PSME4: variants seen among roughly 807,000 people sequenced by gnomAD.
PSME4 encodes proteasome activator subunit 4.
PSME4 carries 89 observed loss-of-function variants against 253.9 expected under a neutral mutation model. The observed-to-expected ratio is 0.35, with a 90% CI of 0.30 to 0.42. The LOEUF is 0.42. PSME4 is among the 10% of genes least tolerant of loss of function. PSME4 has a pLI of 1.00. For missense variants in PSME4, 2,014 were observed against 2,195.2 expected (o/e 0.92, Z 1.65); for synonymous variants, 851 against 759.2 (o/e 1.12, Z -1.99).
At chr2:53,928,471 G>A (rs535169669) in intron 10 of PSME4, among the ~76,000 whole-genome samples, 168 bp from the exon 11 acceptor site, 4 of 152,288 alleles carry the variant, frequency 2.6e-5, no homozygotes, top group East Asian at 1.9e-4. Context: ...CAGTAGCCCC[G>A]TTATCTGTAG....
At position 53,965,589 on chromosome 2, in the gene PSME4, A is replaced by AT. The variant is rs1354730458; in HGVS notation, c.242+4953dup. On this transcript the variant is annotated intron_variant, in intron 1 of 46. Transcript: ENST00000404125. Reference sequence around the variant, plus strand: ...TCAAGAGTTCTACTATCAAGGAAGTATTTTTTTTTTTAATGAGTGGGGTTT... The same window carrying AT: ...TCAAGAGTTCTACTATCAAGGAAGTATTTTTTTTTTTTAATGAGTGGGGTTT... Among the ~76,000 whole-genome samples the AT allele has an allele frequency of 7.4e-3, 1,064 of 143,408 alleles. 7 individuals are homozygous for AT. Among genetic ancestry groups the AT allele is most frequent in the African/African-American group, 0.021 (807 of 39,172 alleles). The allele number at this position is 143,408 out of a possible 152,430, so 94.1% of individuals were successfully genotyped here.
chr2:53,905,019 C>T (rs759457350), intron 26 of PSME4, among the ~76,000 whole-genome samples: 5 of 149,124 alleles, frequency 3.4e-5, no homozygotes, highest in Non-Finnish European at 7.4e-5. Flanking sequence ...GAAATATGTA[C>T]AATGTGTTGC....
chr2:53,866,964 T>C (rs1678595913), intron 44 of PSME4, 84 bp from the exon 45 acceptor site: 1 of 1,344,032 alleles, frequency 7.4e-7, no homozygotes, highest in South Asian at 1.5e-5. Context: ...AGTTTTCAAT[T>C]GTGTTGTTTT....
chr2:53,920,343 C>T lies in PSME4; in HGVS notation c.2270G>A (p.Gly757Asp). 1 of 1,611,210 alleles carries T rather than the reference C, an allele frequency of 6.2e-7. No individual in the cohort carries two copies. Among genetic ancestry groups the T allele is most frequent in the Non-Finnish European group, 8.5e-7 (1 of 1,178,462 alleles). ...PSEYFPIKDW[G>D]KPGDLWNLGI... ...CAGATTCCACAAGTCCCCGGGTTTG[C>T]CCCAGTCCTAGAAGAGAACAGCATC... The change falls in exon 19 of 47, where the codon GGC becomes GAC. Residue 757 changes from glycine (G) to aspartate (D), a missense_variant. Gly to Asp is a moderately conservative substitution (Grantham distance 94, BLOSUM62 -1). This residue lies in a region of PSME4 where 989 missense variants were observed against 1,021.1 expected (regional missense o/e 0.97). Coordinates refer to ENST00000404125, the MANE Select transcript of PSME4 (RefSeq NM_014614.3).
chr2:53,936,263 G>T, intron 6 of PSME4, 102 bp from the exon 7 acceptor site: 2 of 1,509,208 alleles, frequency 1.3e-6, no homozygotes, highest in African/African-American at 1.4e-5. Context: ...AATCATTAGT[G>T]CAATCTACTT....
chr2:53,940,379 G>C (rs1044079669), intron 3 of PSME4, among the ~76,000 whole-genome samples: 7 of 151,998 alleles, frequency 4.6e-5, no homozygotes, highest in African/African-American at 1.7e-4. Flanking sequence ...ACAAGCAGCA[G>C]ACAGACCAAA....
Position 53,865,904 on chromosome 2 carries a change from G to A in PSME4, c.*4+181C>T, listed in dbSNP as rs1040662572. The A allele has an allele frequency of 4.7e-6, 3 of 633,260 alleles. No individual in the cohort carries two copies. In the East Asian group the frequency reaches 8.9e-5, roughly 19 times the overall value. The allele number at this position is 633,260 out of a possible 1,614,324, so 39.2% of individuals were successfully genotyped here. A position where few individuals can be genotyped will look rare whatever the true frequency, so the allele number is the denominator to read the frequency against. ...TCTGCTTTAAACCTAAAGCAAGGAG[G>A]CACAGCAAAATTCTCATTTCCAATG... On this transcript the variant is annotated intron_variant, in intron 46 of 46. Transcript: ENST00000404125.
At chr2:53,966,141 C>T (rs1670726008) in intron 1 of PSME4, among the ~76,000 whole-genome samples, 1 of 151,938 alleles carries the variant, frequency 6.6e-6, no homozygotes, top group African/African-American at 2.4e-5. Context: ...AAATATTGGT[C>T]AAGTGTGGTG....
intron 22 of PSME4, 52 bp downstream of exon 22, chr2:53,908,732 C>T: frequency 1.3e-6 from 2 of 1,494,176 alleles, no homozygotes; most frequent in East Asian, 2.3e-5. Context: ...GATTAAAATT[C>T]CAAAATACTT....
intron 1 of PSME4, among the ~76,000 whole-genome samples, chr2:53,952,467 G>C (rs1670044513): frequency 6.6e-6 from 1 of 152,120 alleles, no homozygotes; most frequent in African/African-American, 2.4e-5. Flanking sequence ...GTTTGAACCT[G>C]GGAGGCGGAG....
chr2:53,880,686 A>C (rs970293218), intron 41 of PSME4, among the ~76,000 whole-genome samples: 14 of 152,262 alleles, frequency 9.2e-5, no homozygotes, highest in African/African-American at 3.1e-4. Flanking sequence ...TTATTCATAA[A>C]ACAATTTCAG....
At chr2:53,966,139 G>T (rs1299861318) in intron 1 of PSME4, among the ~76,000 whole-genome samples, 1 of 151,978 alleles carries the variant, frequency 6.6e-6, no homozygotes, top group Non-Finnish European at 1.5e-5. Flanking sequence ...ACAAATATTG[G>T]TCAAGTGTGG....
Position 53,866,862 on chromosome 2 carries a change from G to C in PSME4, c.5282C>G (p.Ala1761Gly). The C allele has an allele frequency of 1.2e-6, 2 of 1,613,930 alleles. No individual in the cohort carries two copies. Among genetic ancestry groups the C allele is most frequent in the Non-Finnish European group, 1.7e-6 (2 of 1,179,928 alleles). Residue 1761 changes from alanine to glycine, a missense_variant, in exon 45 of 47, where the codon GCT becomes GGT. By Grantham distance (60) the Ala-to-Gly change is moderately conservative (BLOSUM62 0). Around this residue, in one of 4 missense-constraint regions of PSME4, gnomAD observed 403 missense variants for 556.1 expected, o/e 0.72. Coordinates refer to ENST00000404125, the MANE Select transcript of PSME4 (RefSeq NM_014614.3). ...IPSAELVKRH[A>G]GVLGLGACVL... The stretch of plus-strand genomic sequence containing the variant: ...ACATGCACCAAGTCCTAGCACCCCA[G>C]CATGGCGTTTGACCAACTCTGCAAA...
intron 3 of PSME4, among the ~76,000 whole-genome samples, chr2:53,943,838 C>A: frequency 1.0e-5 from 1 of 97,444 alleles, no homozygotes. Context: ...GCAAAAAAAA[C>A]TCCATCTCAA....
intron 41 of PSME4, among the ~76,000 whole-genome samples, chr2:53,883,393 AG>A (rs1679485063): frequency 6.6e-6 from 1 of 151,864 alleles, no homozygotes; most frequent in African/African-American, 2.4e-5. Context: ...CCAGCTACTC[AG>A]GGGGCTGAGG....
At chr2:53,966,710 T>C (rs1367276568) in intron 1 of PSME4, among the ~76,000 whole-genome samples, 1 of 152,102 alleles carries the variant, frequency 6.6e-6, no homozygotes, top group Non-Finnish European at 1.5e-5. Flanking sequence ...GGGGTTTTTT[T>C]CTTTGTTGTT....
chr2:53,910,314 G>A (rs1667772869), intron 20 of PSME4, among the ~76,000 whole-genome samples, 184 bp from the exon 21 acceptor site: 1 of 152,088 alleles, frequency 6.6e-6, no homozygotes, highest in Non-Finnish European at 1.5e-5. Flanking sequence ...GTTTCAGTAA[G>A]AATCATGTTA....
intron 43 of PSME4, among the ~76,000 whole-genome samples, chr2:53,871,667 G>A (rs1020303577): frequency 6.6e-6 from 1 of 152,022 alleles, no homozygotes; most frequent in Non-Finnish European, 1.5e-5. Context: ...CTCCTATTAC[G>A]TTCCTATAAA....
chr2:53,952,843 C>T (rs768151934), intron 1 of PSME4, among the ~76,000 whole-genome samples: 15 of 152,190 alleles, frequency 9.9e-5, no homozygotes, highest in Non-Finnish European at 1.8e-4. Context: ...CTGTGCAGCC[C>T]GGTTCCTAAC....
Sources: gnomAD v4.1 joint callset for allele counts (sites outside exome capture counted in the v4.1 genomes callset) on GRCh38, gnomAD v4.1.1 for gene constraint, gnomAD v4.1.1 regional missense constraint, MANE v1.5 for transcripts, NCBI Gene and HGNC (gene_info 2026-07-23, HGNC 2026-07-21) for gene names.